PRKAR2B: variants seen among roughly 807,000 people sequenced by gnomAD.
The protein encoded by PRKAR2B is protein kinase cAMP-dependent type II regulatory subunit beta.
In PRKAR2B, 14 loss-of-function variants were observed where a neutral mutation model predicts 49.9. That is an observed-to-expected ratio of 0.28 (90% CI 0.19 to 0.44). The LOEUF is 0.44. Ranked by LOEUF, PRKAR2B falls within the 20% of genes least tolerant of loss-of-function variation. The pLI is 1.00. For synonymous variants in PRKAR2B, 196 were observed against 197.7 expected (o/e 0.99, Z 0.07); for missense variants, 393 against 537.9 (o/e 0.73, Z 2.67).
At chr7:107,142,672 G>T (rs1408364986) in intron 5 of PRKAR2B, among the ~76,000 whole-genome samples, 2 of 152,056 alleles carry the variant, frequency 1.3e-5, no homozygotes, top group Admixed American at 1.3e-4. Flanking sequence ...CAGGTCTCCT[G>T]CCCTGTTCAT....
At chr7:107,137,147 T>C (rs1795714189) in intron 4 of PRKAR2B, among the ~76,000 whole-genome samples, 1 of 152,216 alleles carries the variant, frequency 6.6e-6, no homozygotes, top group African/African-American at 2.4e-5. Context: ...CTCTCATTCC[T>C]AGGCAGGTCT....
intron 2 of PRKAR2B, among the ~76,000 whole-genome samples, chr7:107,093,070 G>A (rs1449529892): frequency 6.6e-6 from 1 of 152,134 alleles, no homozygotes; most frequent in African/African-American, 2.4e-5. Context: ...TTTTTAAGAT[G>A]ATATAATTTT....
intron 6 of PRKAR2B, among the ~76,000 whole-genome samples, chr7:107,148,625 C>A (rs913906459): frequency 6.6e-6 from 1 of 152,102 alleles, no homozygotes; most frequent in Non-Finnish European, 1.5e-5. Context: ...GGTGACTTGA[C>A]TAATTATAAT....
chr7:107,127,002 G>GTA (rs1795508265), intron 3 of PRKAR2B, among the ~76,000 whole-genome samples: 2 of 152,070 alleles, frequency 1.3e-5, no homozygotes, highest in East Asian at 1.9e-4. Flanking sequence ...CAAATAAATG[G>GTA]TATATATATC....
chr7:107,099,526 G>A (rs1794915814), intron 2 of PRKAR2B, among the ~76,000 whole-genome samples: 2 of 152,168 alleles, frequency 1.3e-5, no homozygotes, highest in South Asian at 4.1e-4. Flanking sequence ...AAGCCCAAGT[G>A]AGTTGAACCC....
chr7:107,115,994 A>G (rs934254045), intron 2 of PRKAR2B, among the ~76,000 whole-genome samples: 1 of 152,196 alleles, frequency 6.6e-6, no homozygotes, highest in Non-Finnish European at 1.5e-5. Flanking sequence ...CCTGAGGTGG[A>G]CATATTATGT....
At chr7:107,045,291 C>T (rs908050513) in intron 1 of PRKAR2B, 77 bp downstream of exon 1, 25 of 1,290,788 alleles carry the variant, frequency 1.9e-5, no homozygotes, top group Admixed American at 1.2e-4. Context: ...GCTCTCGGAT[C>T]TTGCCGCTTT....
intron 1 of PRKAR2B, among the ~76,000 whole-genome samples, chr7:107,058,490 A>C (rs1335307606): frequency 2.0e-5 from 3 of 152,176 alleles, no homozygotes; most frequent in African/African-American, 7.2e-5. Flanking sequence ...TTCAACTACA[A>C]ATTGCTAATA....
intron 1 of PRKAR2B, chr7:107,066,514 C>T (rs979116396): frequency 6.6e-6 from 1 of 152,142 alleles, no homozygotes; most frequent in African/African-American, 2.4e-5. Flanking sequence ...AAATAAGCGT[C>T]AGTCTCTTAC....
intron 2 of PRKAR2B, among the ~76,000 whole-genome samples, chr7:107,105,875 G>C (rs10233712): frequency 0.025 from 3,869 of 152,228 alleles, 164 homozygotes; most frequent in African/African-American, 0.087. Flanking sequence ...AGGCAGTTGT[G>C]AACGATTGTA....
rs182816064 is a variant in PRKAR2B at position 107,107,768 on chromosome 7, C to T, written c.344-14184C>T. Among the ~76,000 whole-genome samples, 86 of 152,130 alleles carry T rather than the reference C, an allele frequency of 5.7e-4. 1 individual carries two copies. The Middle Eastern group carries it at 0.02, about 36-fold the overall frequency. ...TGCCTCCTGGGTTCAAGCAATTCTC[C>T]GGCCTCAGCCTCCTGAGTAGCTGGG... On this transcript the variant is annotated intron_variant, in intron 2 of 10. Transcript: ENST00000265717.
intron 2 of PRKAR2B, among the ~76,000 whole-genome samples, chr7:107,096,377 A>G (rs191690961): frequency 6.6e-6 from 1 of 151,086 alleles, no homozygotes; most frequent in African/African-American, 2.4e-5. Context: ...TATTGCATCT[A>G]TTTGATTCTT....
chr7:107,063,441 T>G (rs186779935), intron 1 of PRKAR2B, among the ~76,000 whole-genome samples: 97 of 152,334 alleles, frequency 6.4e-4, no homozygotes, highest in Non-Finnish European at 1.2e-3. Context: ...GGAAAGACCC[T>G]GCCCTCATGG....
intron 2 of PRKAR2B, among the ~76,000 whole-genome samples, chr7:107,102,816 G>A (rs547711040): frequency 6.2e-4 from 94 of 151,974 alleles, no homozygotes; most frequent in Non-Finnish European, 1.1e-3. Flanking sequence ...GATTACAGGC[G>A]CCCGCCACCA....
chr7:107,110,027 C>G (rs372974647), intron 2 of PRKAR2B, among the ~76,000 whole-genome samples: 1 of 152,200 alleles, frequency 6.6e-6, no homozygotes, highest in African/African-American at 2.4e-5. Context: ...AGGAGACAGT[C>G]TTGGGTTACC....
chr7:107,086,426 A>G (rs1235910683), intron 2 of PRKAR2B, among the ~76,000 whole-genome samples: 1 of 152,160 alleles, frequency 6.6e-6, no homozygotes, highest in Non-Finnish European at 1.5e-5. Context: ...GCTTGCTAGT[A>G]GCATTACTAA....
Position 107,150,903 on chromosome 7 carries a change from T to G in PRKAR2B, c.742-19T>G, listed in dbSNP as rs1466637219. 2 of 1,424,510 alleles carry G rather than the reference T, an allele frequency of 1.4e-6. No homozygotes were observed. The highest frequency in any genetic ancestry group is 3.9e-5 in the Admixed American group (2 of 51,568). 88.2% of individuals were successfully genotyped at this position (1,424,510 alleles called of 1,614,324 possible). A position where few individuals can be genotyped will look rare whatever the true frequency, so the allele number is the denominator to read the frequency against. ...GCTTTACCCCCATAAAATTTACCCT[T>G]TAACTGTTCTGCCTGTAGGACAGGG... On this transcript the variant is annotated intron_variant, in intron 6 of 10. Transcript: ENST00000265717.
rs1398887111 is a variant in PRKAR2B at position 107,114,323 on chromosome 7, G to GCT, written c.344-7628_344-7627dup. 2.3e-5 allele frequency among the ~76,000 whole-genome samples: 3 copies of GCT among 132,654 alleles called. No individual in the cohort carries two copies. In the East Asian group the frequency reaches 6.5e-4, roughly 29 times the overall value. The allele number at this position is 132,654 out of a possible 152,430, so 87.0% of individuals were successfully genotyped here. ...CAGATTAAAGAGTTTGGCATGTACA[G>GCT]CTGTGTGTGTGTGTGTGTGTGTGTG... On this transcript the variant is annotated intron_variant, in intron 2 of 10. Coordinates refer to ENST00000265717, the MANE Select transcript of PRKAR2B (RefSeq NM_002736.3).
At chr7:107,124,068 T>C (rs1795438258) in intron 3 of PRKAR2B, among the ~76,000 whole-genome samples, 1 of 152,220 alleles carries the variant, frequency 6.6e-6, no homozygotes, top group Admixed American at 6.5e-5. Flanking sequence ...TACATTTCAT[T>C]TGGACATTTT....
Sources: allele counts gnomAD v4.1 joint callset (sites outside exome capture counted in the v4.1 genomes callset), GRCh38; gene constraint gnomAD v4.1.1; transcripts MANE v1.5; gene names NCBI Gene and HGNC (gene_info 2026-07-23, HGNC 2026-07-21).